Variants in MAGEC3 observed in about 807,000 individuals in gnomAD.
The protein encoded by MAGEC3 is MAGE family member C3.
A neutral mutation model predicts 35.3 loss-of-function variants in MAGEC3; 34 were observed. The ratio of observed to expected loss-of-function variants is 0.96; its 90% CI spans 0.73 to 1.28. The LOEUF (loss-of-function observed/expected upper bound fraction) is 1.28. Ranked by LOEUF, MAGEC3 falls within the 50% of genes most tolerant of loss-of-function variation. The pLI is 0.00. For synonymous variants in MAGEC3, 202 were observed against 185.6 expected (o/e 1.09, Z -0.72); for missense variants, 561 against 483.6 (o/e 1.16, Z -1.50).
At chrX:141,882,491 A>T (rs1217410493) in intron 4 of MAGEC3, among the ~76,000 whole-genome samples, 1 of 112,065 alleles carries the variant, frequency 8.9e-6, no homozygotes, top group African/African-American at 3.2e-5. Context: ...TGTACTAGGA[A>T]TTTTCTTTAA....
At chrX:141,859,102 C>T (rs2017799665) in intron 1 of MAGEC3, among the ~76,000 whole-genome samples, 1 of 108,121 alleles carries the variant, frequency 9.2e-6, no homozygotes, top group African/African-American at 3.4e-5. Context: ...AATTAACTTC[C>T]AAGACATCCT....
At chrX:141,880,065 TG>T (rs34776945) in intron 3 of MAGEC3, among the ~76,000 whole-genome samples, 3,501 of 111,373 alleles carry the variant, frequency 0.031, 131 homozygotes, top group African/African-American at 0.1. Context: ...CTCTCATTGC[TG>T]GGTGAGAGGT....
intron 4 of MAGEC3, 84 bp downstream of exon 4, chrX:141,881,880 G>A (rs920807816): frequency 1.7e-5 from 19 of 1,105,612 alleles, no homozygotes; most frequent in Non-Finnish European, 2.4e-5. Flanking sequence ...ATTACCTGGA[G>A]TAGCGACATG....
chrX:141,894,544 C>A, intron 4 of MAGEC3: 2 of 647,052 alleles, frequency 3.1e-6, no homozygotes, highest in Non-Finnish European at 4.1e-6. Context: ...GATGACAGAA[C>A]AACTGTTGCT....
chrX:141,847,247 T>A (rs987951889), intron 1 of MAGEC3, among the ~76,000 whole-genome samples: 7 of 110,966 alleles, frequency 6.3e-5, no homozygotes, highest in Non-Finnish European at 1.9e-5. Flanking sequence ...TTTCACGTTA[T>A]TCAACCAAAA....
At chrX:141,842,644 A>G (rs1218625328) in intron 1 of MAGEC3, among the ~76,000 whole-genome samples, 1 of 111,196 alleles carries the variant, frequency 9.0e-6, no homozygotes, top group African/African-American at 3.3e-5. Context: ...GTATTCCACA[A>G]GTAGATTCTC....
rs1389938313 is a variant in MAGEC3, at chrX:141,881,544, G to A, written c.657G>A (p.Thr219=). Residue 219 remains threonine, a synonymous_variant, in exon 4 of 8, where the codon ACG becomes ACA. Coordinates refer to ENST00000298296, the MANE Select transcript of MAGEC3 (RefSeq NM_138702.1). ...EMQMNVINTY[T]GYFPMIFRKA... ...AGATGAATGTCATCAACACATACAC[G>A]GGCTACTTTCCTATGATCTTCAGGA... 7 of 1,211,229 alleles carry A rather than the reference G, an allele frequency of 5.8e-6. No individual in the cohort carries two copies. The highest frequency in any genetic ancestry group is 1.8e-5 in the South Asian group (1 of 56,934).
intron 4 of MAGEC3, among the ~76,000 whole-genome samples, chrX:141,885,418 G>A (rs938109980): frequency 9.1e-6 from 1 of 109,869 alleles, no homozygotes; most frequent in African/African-American, 3.3e-5. Flanking sequence ...TGTAATCCCA[G>A]CACTTTGGGA....
At chrX:141,876,516 G>A (rs2017921094) in intron 2 of MAGEC3, among the ~76,000 whole-genome samples, 2 of 111,530 alleles carry the variant, frequency 1.8e-5, no homozygotes, top group South Asian at 7.6e-4. Context: ...GTACTGAAGT[G>A]ACCAAAGACC....
intron 1 of MAGEC3, among the ~76,000 whole-genome samples, chrX:141,863,598 A>T (rs1021669566): frequency 3.6e-5 from 4 of 112,013 alleles, no homozygotes; most frequent in Non-Finnish European, 7.5e-5. Context: ...TTTTCTTATC[A>T]ATTTGTTTTG....
At chrX:141,895,145 C>T in intron 4 of MAGEC3, 124 bp from the exon 5 acceptor site, 1 of 796,982 alleles carries the variant, frequency 1.3e-6, no homozygotes, top group Non-Finnish European at 1.8e-6. Flanking sequence ...TCGGGGGGCG[C>T]TGAGGAGGGC....
intron 3 of MAGEC3, among the ~76,000 whole-genome samples, 170 bp downstream of exon 3, chrX:141,879,601 A>G (rs1281668570): frequency 9.1e-6 from 1 of 109,734 alleles, no homozygotes; most frequent in Non-Finnish European, 1.9e-5. Context: ...GGTGGTCAGG[A>G]AAGTGTGGGA....
At chrX:141,863,493 C>T (rs2017828391) in intron 1 of MAGEC3, among the ~76,000 whole-genome samples, 1 of 111,717 alleles carries the variant, frequency 9.0e-6, no homozygotes, top group African/African-American at 3.3e-5. Context: ...AATATATTAA[C>T]ATACATTCAT....
At chrX:141,890,948 C>T (rs2018037125) in intron 4 of MAGEC3, among the ~76,000 whole-genome samples, 1 of 111,817 alleles carries the variant, frequency 8.9e-6, no homozygotes, top group African/African-American at 3.3e-5. Flanking sequence ...AGCCATGATC[C>T]GCTATGGATT....
chrX:141,875,556 G>A (rs2017914935), intron 2 of MAGEC3, among the ~76,000 whole-genome samples: 1 of 111,322 alleles, frequency 9.0e-6, no homozygotes, highest in African/African-American at 3.3e-5. Context: ...TTTGGGGCAT[G>A]TTTGGAAAAT....
At chrX:141,881,992 A>G (rs138439953) in intron 4 of MAGEC3, among the ~76,000 whole-genome samples, 196 bp downstream of exon 4, 198 of 111,954 alleles carry the variant, frequency 1.8e-3, no homozygotes, top group African/African-American at 5.8e-3. Context: ...ATGTGAAACA[A>G]TACCGTCTCT....
At chrX:141,894,630 C>G in intron 4 of MAGEC3, 6 of 964,741 alleles carry the variant, frequency 6.2e-6, no homozygotes, top group Non-Finnish European at 6.6e-6. Context: ...GCCTTCCCAC[C>G]TCATTTCAGA....
At chrX:141,895,192 G>A (rs2018077715) in intron 4 of MAGEC3, 77 bp from the exon 5 acceptor site, 1 of 1,072,211 alleles carries the variant, frequency 9.3e-7, no homozygotes. Context: ...GTCAGGAAAA[G>A]GTGGAAGGAG....
At chrX:141,869,510 A>G (rs2017873904) in intron 2 of MAGEC3, among the ~76,000 whole-genome samples, 1 of 111,790 alleles carries the variant, frequency 8.9e-6, no homozygotes, top group South Asian at 3.7e-4. Context: ...AAAAGGTAAA[A>G]CTTGTTTCTG....
Sources: allele counts gnomAD v4.1 joint callset (sites outside exome capture counted in the v4.1 genomes callset), GRCh38; gene constraint gnomAD v4.1.1; transcripts MANE v1.5; gene names NCBI Gene and HGNC (gene_info 2026-07-23, HGNC 2026-07-21).